The following RNF213 variants were observed in gnomAD, a reference collection of about 807,000 sequenced individuals.
RNF213 encodes the protein ring finger protein 213, also known as E3 ubiquitin-protein ligase RNF213.
RNF213 carries 341 observed loss-of-function variants against 514.4 expected under a neutral mutation model. The ratio of observed to expected loss-of-function variants is 0.66; its 90% CI spans 0.61 to 0.73. The LOEUF is 0.73. Ranked by LOEUF, RNF213 falls within the 30% of genes least tolerant of loss-of-function variation. The probability of loss-of-function intolerance (pLI) is 0.00; values close to 1 mark genes in which losing one functional copy is unlikely to be tolerated. For synonymous variants in RNF213, 2,655 were observed against 2,658.2 expected, an observed-to-expected ratio of 1.00 and a Z score of 0.04; for missense variants, 5,767 against 6,615.6, an observed-to-expected ratio of 0.87 and a Z score of 4.45.
chr17:80,376,556 C>A lies in RNF213; in HGVS notation c.13428+13C>A, dbSNP rs1465903765. 1.9e-6 allele frequency: 3 copies of A among 1,613,880 alleles called. No individual in the cohort carries two copies. In the South Asian group the frequency reaches 3.3e-5, roughly 18 times the overall value. ...AGCCACCATGGCGGTAAGAGTAGGC[C>A]ACAATTCCATCGGCCTTCACTGGAA... is the stretch of plus-strand genomic sequence containing the variant. On this transcript the variant is annotated intron_variant, in intron 52 of 67. Coordinates refer to ENST00000582970, the MANE Select transcript of RNF213 (RefSeq NM_001256071.3).
chr17:80,339,995 G>T lies in RNF213; in HGVS notation c.5628G>T (p.Leu1876=), dbSNP rs754207552. 7 of 1,538,230 alleles carry T rather than the reference G, an allele frequency of 4.6e-6. No homozygotes were observed. The highest frequency in any genetic ancestry group is 6.1e-6 in the Non-Finnish European group (7 of 1,147,158). Residue 1876 remains leucine (L), a synonymous_variant, in exon 26 of 68, where the codon CTG becomes CTT. Transcript: ENST00000582970. ...TPATTFEEVA[L]LLRRCLTLGS... is the part of the protein sequence containing the mutation. Reference sequence around the variant, plus strand: ...CAACCACCTTTGAGGAGGTGGCACTGTTGCTGCGCCGCTGCCTGACCCTGG... The same window carrying T: ...CAACCACCTTTGAGGAGGTGGCACTTTTGCTGCGCCGCTGCCTGACCCTGG...
rs757150044 is a variant in RNF213 at position 80,352,932 on chromosome 17, C to G, written c.10304-8C>G. ...AAAGACAGTTGTGGGTGGCTTCACT[C>G]TTCACAGGGCTGTGGCAGTCTGTCC... On this transcript the variant is annotated splice_polypyrimidine_tract_variant and splice_region_variant and intron_variant, in intron 32 of 67. Coordinates refer to ENST00000582970, the MANE Select transcript of RNF213 (RefSeq NM_001256071.3). 4.3e-6 allele frequency: 7 copies of G among 1,614,040 alleles called. No homozygotes were observed. The highest frequency in any genetic ancestry group is 5.9e-6 in the Non-Finnish European group (7 of 1,180,052).
rs1249445264 is a variant in RNF213, at chr17:80,385,609, C to T, written c.14527C>T (p.Leu4843Phe). 1.2e-6 allele frequency: 2 copies of T among 1,614,066 alleles called. No homozygotes were observed. The highest frequency in any genetic ancestry group is 1.7e-6 in the Non-Finnish European group (2 of 1,179,926). Residue 4843 changes from leucine to phenylalanine, a missense_variant, in exon 61 of 68, where the codon CTT becomes TTT. Leu to Phe is a conservative substitution (Grantham distance 22). This residue lies in a region of RNF213 where 1,245 missense variants were observed against 1,339.0 expected (regional missense o/e 0.93). Transcript: ENST00000582970. ...LSTWNKLRRS[L>F]ETNGEINLPK... is the part of the protein sequence containing the mutation. ...CACATGGAACAAACTGAGGAGATCGCTTGAGACGAACGGTTAGTATCCTGT... is the reference window on the plus strand; with the variant it reads ...CACATGGAACAAACTGAGGAGATCGTTTGAGACGAACGGTTAGTATCCTGT...
At chr17:80,360,279 G>T in intron 38 of RNF213, 73 bp downstream of exon 38, 1 of 1,514,848 alleles carries the variant, frequency 6.6e-7, no homozygotes, top group Non-Finnish European at 9.0e-7. Context: ...GTGAAAAGCA[G>T]ATGGGTGGCT....
intron 38 of RNF213, 140 bp from the exon 39 acceptor site, chr17:80,361,594 C>T: frequency 1.2e-6 from 1 of 827,162 alleles, no homozygotes; most frequent in South Asian, 1.4e-5. Context: ...CCTACAAAAT[C>T]AGGCAGTTGG....
At chr17:80,360,024 A>G in intron 37 of RNF213, 37 bp from the exon 38 acceptor site, 1 of 1,611,924 alleles carries the variant, frequency 6.2e-7, no homozygotes, top group Non-Finnish European at 8.5e-7. Context: ...GTGACGTCTC[A>G]CAAACCCTCT....
intron 6 of RNF213, 46 bp downstream of exon 6, chr17:80,289,883 C>T (rs2044628964): frequency 2.0e-6 from 3 of 1,537,972 alleles, no homozygotes; most frequent in Admixed American, 1.9e-5. Flanking sequence ...TGCCTGAGAG[C>T]CCGGCACACC....
intron 8 of RNF213, 98 bp downstream of exon 8, chr17:80,291,925 T>C: frequency 1.5e-6 from 2 of 1,358,382 alleles, no homozygotes; most frequent in South Asian, 2.4e-5. Context: ...AGACTTTGCC[T>C]GGGCAGTGAG....
In RNF213 at chr17:80,278,807, T is replaced by C. The variant is rs1199549371; in HGVS notation, c.261+5403T>C. ...TTGGTAGATGCTGCTGTAGACCTCA[T>C]ATCCGATGAATGGGAAGCTGCTAAT... On this transcript the variant is annotated intron_variant, in intron 3 of 67. Transcript: ENST00000582970. 3.9e-6 allele frequency: 6 copies of C among 1,537,084 alleles called. No homozygotes were observed. The African/African-American group carries it at 5.5e-5, about 14-fold the overall frequency.
At chr17:80,330,226 T>C (rs867936981) in intron 20 of RNF213, among the ~76,000 whole-genome samples, 1 of 152,204 alleles carries the variant, frequency 6.6e-6, no homozygotes, top group Non-Finnish European at 1.5e-5. Flanking sequence ...GTTTTGGAGG[T>C]TTTGCTTTTC....
rs779671029 is a variant in RNF213 at position 80,345,620 on chromosome 17, C to T, written c.7285C>T (p.Leu2429Phe). 8 of 1,614,102 alleles carry T rather than the reference C, an allele frequency of 5.0e-6. No homozygotes were observed. Among genetic ancestry groups the T allele is most frequent in the Non-Finnish European group, 5.9e-6 (7 of 1,180,004 alleles). The change falls in exon 29 of 68, where the codon CTT (leucine) becomes TTT (phenylalanine). Residue 2429 changes from leucine (L) to phenylalanine (F), a missense_variant. By Grantham distance (22) the Leu-to-Phe change is conservative. Transcript: ENST00000582970. This position sits in a 1 kb window ranked among gnomAD's most constrained non-coding sequence, Gnocchi z 6.0. ...MGETGCGKTRLIKFLSDLRRG... is the reference protein window; with the variant it reads ...MGETGCGKTRFIKFLSDLRRG... The stretch of plus-strand genomic sequence containing the variant: ...AGAAACTGGCTGTGGGAAAACCAGG[C>T]TTATTAAATTCCTTAGCGACCTGCG...
At position 80,345,134 on chromosome 17, in the gene RNF213, C is replaced by G. The variant is rs1348491952; in HGVS notation, c.6799C>G (p.Leu2267Val). The change falls in exon 29 of 68, where the codon CTC (leucine) becomes GTC (valine). Residue 2267 changes from leucine (L) to valine (V), a missense_variant. Around this residue, in one of 13 missense-constraint regions of RNF213, gnomAD observed 1,377 missense variants for 1,635.2 expected, o/e 0.84. Transcript: ENST00000582970. This position sits in a 1 kb window ranked among gnomAD's most constrained non-coding sequence, Gnocchi z 6.0. Reference sequence around the variant, plus strand: ...GGCAAGAGATTTTGCCACACCATCACTCCACACCTCTGACCAAAGCCCGGG... The same window carrying G: ...GGCAAGAGATTTTGCCACACCATCAGTCCACACCTCTGACCAAAGCCCGGG... ...FMARDFATPS[L>V]HTSDQSPGKH... is the part of the protein sequence containing the mutation. The G allele has an allele frequency of 6.2e-7, 1 of 1,614,110 alleles. No individual in the cohort carries two copies. Among genetic ancestry groups the G allele is most frequent in the Non-Finnish European group, 8.5e-7 (1 of 1,180,022 alleles).
At chr17:80,344,104 T>C in intron 28 of RNF213, 89 bp downstream of exon 28, 1 of 1,396,160 alleles carries the variant, frequency 7.2e-7, no homozygotes, top group Non-Finnish European at 9.8e-7. Context: ...TTTAGGAGAC[T>C]CCACATCTTT....
chr17:80,305,184 C>CTTTTTTTT (rs71163950), intron 11 of RNF213, among the ~76,000 whole-genome samples: 1 of 127,468 alleles, frequency 7.8e-6, no homozygotes, highest in Non-Finnish European at 1.6e-5. Flanking sequence ...CAGCAGTGAA[C>CTTTTTTTT]TTTTTTTTTT....
chr17:80,306,013 A>G (rs1266532403), intron 11 of RNF213, among the ~76,000 whole-genome samples: 1 of 151,900 alleles, frequency 6.6e-6, no homozygotes, highest in East Asian at 1.9e-4. Flanking sequence ...TTTTTAAAGT[A>G]GAGACAGGGC....
intron 56 of RNF213, chr17:80,381,209 A>T (rs1004299198): frequency 2.7e-5 from 17 of 621,636 alleles, no homozygotes; most frequent in African/African-American, 2.2e-4. Flanking sequence ...CTTCAAATTA[A>T]CACTCTGTGT....
At chr17:80,387,609 G>A (rs2080289972) in intron 63 of RNF213, among the ~76,000 whole-genome samples, 1 of 152,216 alleles carries the variant, frequency 6.6e-6, no homozygotes, top group Admixed American at 6.5e-5. Context: ...CCCACCTCCA[G>A]GTTCTTCAGT....
Position 80,343,722 on chromosome 17 carries a change from G to A in RNF213, c.6184-135G>A. ...TATGGGGCTGCCCTTGGAGACATGG[G>A]CCGTTGTTGGCTGAAATGTTGATGT... On this transcript the variant is annotated intron_variant, in intron 27 of 67. Coordinates refer to ENST00000582970, the MANE Select transcript of RNF213 (RefSeq NM_001256071.3). The surrounding 1 kb of genome is among the most constrained non-coding windows in gnomAD (Gnocchi z 4.3). The A allele has an allele frequency of 1.1e-6, 1 of 910,358 alleles. No homozygotes were observed. 56.4% of individuals were successfully genotyped at this position (910,358 alleles called of 1,614,324 possible).
At chr17:80,324,172 T>G (rs968577040) in intron 17 of RNF213, among the ~76,000 whole-genome samples, 1 of 152,264 alleles carries the variant, frequency 6.6e-6, no homozygotes, top group African/African-American at 2.4e-5. Flanking sequence ...CTTGTTCTGA[T>G]CTTAAGAGAA....
Sources: gnomAD v4.1 joint callset for allele counts (sites outside exome capture counted in the v4.1 genomes callset) on GRCh38, gnomAD v4.1.1 for gene constraint, gnomAD v4.1.1 regional missense constraint, Gnocchi (gnomAD v3.1) non-coding constraint, MANE v1.5 for transcripts, NCBI Gene and HGNC (gene_info 2026-07-23, HGNC 2026-07-21) for gene names.